The following PPFIBP1 variants were observed in gnomAD, a reference collection of about 807,000 sequenced individuals.
The protein encoded by PPFIBP1 is liprin-beta-1.
In PPFIBP1, 112 loss-of-function variants were observed where a neutral mutation model predicts 137.8. The observed-to-expected ratio is 0.81, with a 90% CI of 0.70 to 0.95. PPFIBP1 has a LOEUF of 0.95. PPFIBP1 is among the 40% of genes least tolerant of loss of function. The pLI, the probability that PPFIBP1 is intolerant of heterozygous loss-of-function variation, is 0.00. For synonymous variants in PPFIBP1, 378 were observed against 417.3 expected (o/e 0.91, Z 1.15); for missense variants, 1,083 against 1,196.6 (o/e 0.91, Z 1.40).
chr12:27,592,763 A>G, intron 2 of PPFIBP1: 1 of 859,410 alleles, frequency 1.2e-6, no homozygotes, highest in Non-Finnish European at 2.0e-6. Context: ...CAAGAAAATA[A>G]AGAATATGTT....
At chr12:27,607,728 T>TG (rs2054672151) in intron 2 of PPFIBP1, among the ~76,000 whole-genome samples, 4 of 152,184 alleles carry the variant, frequency 2.6e-5, no homozygotes, top group Admixed American at 6.5e-5. Context: ...TGCAAATTGT[T>TG]GCGGCAAGAA....
At chr12:27,675,851 C>G (rs1392360924) in intron 17 of PPFIBP1, among the ~76,000 whole-genome samples, 1 of 152,150 alleles carries the variant, frequency 6.6e-6, no homozygotes, top group African/African-American at 2.4e-5. Context: ...CCAAAAAGCT[C>G]AAAATAAAGT....
In PPFIBP1 at chr12:27,559,272, C is replaced by T. The variant is rs539088526; in HGVS notation, c.-123-18880C>T. Reference sequence around the variant, plus strand: ...CAAGCCCCGCCTCCCAGGTTCATGCCGTTCTCCTGCCTCAGCCTGCTGAGT... The same window carrying T: ...CAAGCCCCGCCTCCCAGGTTCATGCTGTTCTCCTGCCTCAGCCTGCTGAGT... On this transcript the variant is annotated intron_variant, in intron 1 of 29. Coordinates refer to ENST00000228425, the MANE Select transcript of PPFIBP1 (RefSeq NM_003622.4). 1.1e-3 allele frequency among the ~76,000 whole-genome samples: 165 copies of T among 152,138 alleles called. 1 individual carries two copies. The highest frequency in any genetic ancestry group is 3.4e-3 in the Middle Eastern group (1 of 294).
intron 2 of PPFIBP1, among the ~76,000 whole-genome samples, chr12:27,590,276 A>G (rs181226834): frequency 2.6e-5 from 4 of 152,076 alleles, no homozygotes; most frequent in African/African-American, 9.6e-5. Context: ...CCTGGGTCCA[A>G]ATGATCCTCC....
rs141013577 is a variant in PPFIBP1, at chr12:27,659,428, T to C, written c.844+580T>C. On this transcript the variant is annotated intron_variant, in intron 10 of 29. Coordinates refer to ENST00000228425, the MANE Select transcript of PPFIBP1 (RefSeq NM_003622.4). ...GGGTTCAAGACCAGCCTGGGCAACA[T>C]AGTGAGATCCTGTCTCTACAAAAAA... 4.4e-3 allele frequency among the ~76,000 whole-genome samples: 643 copies of C among 145,094 alleles called. 28 individuals are homozygous for C. The East Asian group carries it at 0.11, about 25-fold the overall frequency.
At chr12:27,542,426 A>G (rs1380465416) in intron 1 of PPFIBP1, among the ~76,000 whole-genome samples, 1 of 152,234 alleles carries the variant, frequency 6.6e-6, no homozygotes, top group South Asian at 2.1e-4. Context: ...AGATTGGTGC[A>G]AAAGTAATTG....
At chr12:27,656,467 C>T in intron 8 of PPFIBP1, 149 bp from the exon 9 acceptor site, 1 of 620,498 alleles carries the variant, frequency 1.6e-6, no homozygotes, top group East Asian at 3.0e-5. Context: ...TTTTCATTGC[C>T]CTTGTCTGAT....
chr12:27,600,195 T>C (rs1023346687), intron 2 of PPFIBP1, among the ~76,000 whole-genome samples: 3 of 152,138 alleles, frequency 2.0e-5, no homozygotes, highest in African/African-American at 7.2e-5. Context: ...CCTAGCATTT[T>C]GGGAGGTCGA....
intron 2 of PPFIBP1, among the ~76,000 whole-genome samples, chr12:27,592,156 G>A (rs1284393524): frequency 6.6e-6 from 1 of 152,216 alleles, no homozygotes; most frequent in Non-Finnish European, 1.5e-5. Flanking sequence ...GTCCTCACAC[G>A]GGAAATAGCC....
chr12:27,571,322 T>C (rs1404153332), intron 1 of PPFIBP1, among the ~76,000 whole-genome samples: 2 of 152,230 alleles, frequency 1.3e-5, no homozygotes, highest in Non-Finnish European at 2.9e-5. Flanking sequence ...GTAAGTCTAA[T>C]AAATGTAGAA....
At chr12:27,571,955 G>A (rs1024598179) in intron 1 of PPFIBP1, among the ~76,000 whole-genome samples, 6 of 152,200 alleles carry the variant, frequency 3.9e-5, no homozygotes, top group Non-Finnish European at 8.8e-5. Context: ...CATATTTCAG[G>A]ACATTTATAG....
chr12:27,558,844 A>G (rs1244168426), intron 1 of PPFIBP1, among the ~76,000 whole-genome samples: 1 of 152,044 alleles, frequency 6.6e-6, no homozygotes, highest in Non-Finnish European at 1.5e-5. Flanking sequence ...AATCATAGCT[A>G]TAACAGTGAT....
intron 1 of PPFIBP1, among the ~76,000 whole-genome samples, chr12:27,565,728 C>A (rs937422509): frequency 4.6e-5 from 7 of 152,166 alleles, no homozygotes. Context: ...ATTGCTCTTA[C>A]TTCTTCACTC....
rs1490559484 is a variant in PPFIBP1 at position 27,693,334 on chromosome 12, A to T, written c.*452A>T. The stretch of plus-strand genomic sequence containing the variant: ...GCATTCAGTGTGCCCACTAAATGCC[A>T]GCCACACCTCCACTTGCCTCTTATT... On this transcript the variant is annotated 3_prime_UTR_variant, in exon 30 of 30. Transcript: ENST00000228425. 2 of 153,696 alleles carry T rather than the reference A, an allele frequency of 1.3e-5. No individual in the cohort carries two copies. The highest frequency in any genetic ancestry group is 3.8e-4 in the East Asian group (2 of 5,226). The allele number at this position is 153,696 out of a possible 1,614,324, so 9.5% of individuals were successfully genotyped here.
intron 28 of PPFIBP1, 57 bp downstream of exon 28, chr12:27,691,985 G>T: frequency 7.0e-7 from 1 of 1,431,168 alleles, no homozygotes; most frequent in South Asian, 1.4e-5. Flanking sequence ...GACACTAAAT[G>T]GGAACTTTGT....
chr12:27,635,220 A>G (rs780204056), intron 4 of PPFIBP1, 105 bp downstream of exon 4: 18 of 1,027,736 alleles, frequency 1.8e-5, no homozygotes, highest in Non-Finnish European at 2.7e-5. Flanking sequence ...AGGGCAACAC[A>G]TGTGCTCCGA....
intron 2 of PPFIBP1, among the ~76,000 whole-genome samples, chr12:27,604,896 C>G (rs2030060144): frequency 6.6e-6 from 1 of 152,186 alleles, no homozygotes; most frequent in East Asian, 1.9e-4. Flanking sequence ...CAAGTCACAT[C>G]TTACATGGAT....
chr12:27,615,143 C>G (rs901273689), intron 2 of PPFIBP1, among the ~76,000 whole-genome samples: 1 of 152,138 alleles, frequency 6.6e-6, no homozygotes, highest in Non-Finnish European at 1.5e-5. Flanking sequence ...CTTTAGACCC[C>G]GAAAGCCTCA....
intron 1 of PPFIBP1, among the ~76,000 whole-genome samples, chr12:27,559,502 T>G (rs1031858762): frequency 6.6e-6 from 1 of 152,218 alleles, no homozygotes; most frequent in Non-Finnish European, 1.5e-5. Flanking sequence ...TGAGTATGTA[T>G]GATATTCTCA....
Sources: gnomAD v4.1 joint callset for allele counts (sites outside exome capture counted in the v4.1 genomes callset) on GRCh38, gnomAD v4.1.1 for gene constraint, MANE v1.5 for transcripts, NCBI Gene and HGNC (gene_info 2026-07-23, HGNC 2026-07-21) for gene names.